The following LGI2 variants were observed in gnomAD, a reference collection of about 807,000 sequenced individuals.
The protein encoded by LGI2 is leucine rich repeat LGI family member 2, also known as leucine-rich repeat LGI family member 2.
A neutral mutation model predicts 52.0 loss-of-function variants in LGI2; 30 were observed. The ratio of observed to expected loss-of-function variants is 0.58; its 90% confidence interval spans 0.43 to 0.78. The LOEUF (loss-of-function observed/expected upper bound fraction) is 0.78, where lower values mean the gene tolerates loss of function less well. Among genes scored for constraint, LGI2 ranks in the 30% least tolerant of loss-of-function variants. The probability of loss-of-function intolerance (pLI) is 0.00; values close to 1 mark genes in which losing one functional copy is unlikely to be tolerated. For missense variants in LGI2, 573 were observed against 692.5 expected (o/e 0.83, Z 1.94); for synonymous variants, 270 against 271.8 (o/e 0.99, Z 0.06).
At chr4:24,993,669 G>A in the LGI2 span, among the ~76,000 whole-genome samples, 1 of 152,150 alleles carries the variant, frequency 6.6e-6, no homozygotes, top group Non-Finnish European at 1.5e-5. Flanking sequence ...GCTAGCGTTT[G>A]TTTGAACTCA....
downstream of LGI2, among the ~76,000 whole-genome samples, chr4:24,996,706 C>T (rs1725093800): frequency 6.6e-6 from 1 of 152,172 alleles, no homozygotes; most frequent in South Asian, 2.1e-4. Flanking sequence ...TCTCTTAGCT[C>T]CAAAACTGGA....
the LGI2 span, among the ~76,000 whole-genome samples, chr4:24,992,132 A>G: frequency 6.6e-6 from 1 of 152,210 alleles, no homozygotes; most frequent in Non-Finnish European, 1.5e-5. Context: ...CATGTTCATC[A>G]TCTTCCACTG....
At chr4:24,995,536 CAAT>C (rs1251719459), downstream of LGI2, among the ~76,000 whole-genome samples, 1 of 152,208 alleles carries the variant, frequency 6.6e-6, no homozygotes, top group African/African-American at 2.4e-5. Context: ...CAGAAGAACT[CAAT>C]GTCTCCCACA....
At chr4:25,009,177 G>A (rs1439617412) in intron 7 of LGI2, among the ~76,000 whole-genome samples, 1 of 152,168 alleles carries the variant, frequency 6.6e-6, no homozygotes, top group Non-Finnish European at 1.5e-5. Flanking sequence ...TCCTTCCTAG[G>A]ACCTGTGAGA....
At chr4:25,025,144 A>G (rs1044839611) in intron 3 of LGI2, among the ~76,000 whole-genome samples, 3 of 82,950 alleles carry the variant, frequency 3.6e-5, no homozygotes, top group African/African-American at 7.4e-5. Context: ...AGCTGGCAAC[A>G]TGGGTAAAAA....
chr4:25,024,737 T>C, intron 4 of LGI2, 83 bp downstream of exon 4: 1 of 911,080 alleles, frequency 1.1e-6, no homozygotes, highest in South Asian at 1.7e-5. Flanking sequence ...CAGGGACAGT[T>C]ACAGCCAAGA....
chr4:25,001,565 A>AG lies in LGI2; in HGVS notation c.*1885_*1886insC, dbSNP rs1725240071. On this transcript the variant is annotated 3_prime_UTR_variant, in exon 8 of 8. Transcript: ENST00000382114. ...TGTTCAAAGAAACCAAGAGGGAAAA[A>AG]AAAGTGCAGAAGAAAAGTAATTTGC... 2 of 151,902 alleles carry AG rather than the reference A, an allele frequency of 1.3e-5. No homozygotes were observed. Among genetic ancestry groups the AG allele is most frequent in the East Asian group, 3.9e-4 (2 of 5,160 alleles). 9.4% of individuals were successfully genotyped at this position (151,902 alleles called of 1,614,324 possible).
At chr4:25,024,945 AAAAAC>A in intron 3 of LGI2, 54 bp from the exon 4 acceptor site, 1 of 1,162,432 alleles carries the variant, frequency 8.6e-7, no homozygotes, top group Non-Finnish European at 1.2e-6. Context: ...AGTATCCCAA[AAAAAC>A]TATGTTGGTA....
In LGI2 at chr4:24,999,217, G is replaced by T. The variant is rs901128322; in HGVS notation, c.*4234C>A. 6.6e-6 allele frequency: 1 copy of T among 152,212 alleles called. No individual in the cohort carries two copies. Among genetic ancestry groups the T allele is most frequent in the African/African-American group, 2.4e-5 (1 of 41,434 alleles). The allele number at this position is 152,212 out of a possible 1,614,324, so 9.4% of individuals were successfully genotyped here. ...TAATAATAACTTGGTTTCGATCTCA[G>T]TAGCTTTACAATATGCTTCTTATTT... On this transcript the variant is annotated 3_prime_UTR_variant, in exon 8 of 8. Coordinates refer to ENST00000382114, the MANE Select transcript of LGI2 (RefSeq NM_018176.4).
At chr4:25,020,605 C>G (rs190003240) in intron 4 of LGI2, among the ~76,000 whole-genome samples, 1 of 152,216 alleles carries the variant, frequency 6.6e-6, no homozygotes, top group Non-Finnish European at 1.5e-5. Context: ...TTTAAGATAT[C>G]TATGAAATGC....
Position 25,030,773 on chromosome 4 carries a change from G to T in LGI2, c.-80C>A. ...CGGACCCGGCGCCGCTGCAGACGCG[G>T]GCGCCGCTCGCTGCTCTGCCGCCGC... On this transcript the variant is annotated 5_prime_UTR_variant, in exon 1 of 8. Transcript: ENST00000382114. 1.2e-6 allele frequency: 1 copy of T among 823,054 alleles called. No individual in the cohort carries two copies. Among genetic ancestry groups the T allele is most frequent in the Non-Finnish European group, 1.5e-6 (1 of 673,090 alleles). 51.0% of individuals were successfully genotyped at this position (823,054 alleles called of 1,614,324 possible).
At chr4:25,029,967 G>A (rs974901394) in intron 1 of LGI2, among the ~76,000 whole-genome samples, 1 of 152,130 alleles carries the variant, frequency 6.6e-6, no homozygotes, top group Admixed American at 6.5e-5. Context: ...AGGAGGCCAC[G>A]GGGTGAACAT....
chr4:25,006,265 GC>G (rs10718500), intron 7 of LGI2, among the ~76,000 whole-genome samples: 57,134 of 151,800 alleles, frequency 0.38, 10,829 homozygotes, highest in Middle Eastern at 0.5. Flanking sequence ...GCACCCAGAT[GC>G]CCCCCAGACC....
At chr4:25,022,823 CT>C (rs1247651817) in intron 4 of LGI2, among the ~76,000 whole-genome samples, 1 of 152,202 alleles carries the variant, frequency 6.6e-6, no homozygotes, top group Admixed American at 6.5e-5. Context: ...GCCATCTGGG[CT>C]AACTCAGCCC....
chr4:25,003,398 C>T lies in LGI2; in HGVS notation c.*53G>A. 7.9e-7 allele frequency: 1 copy of T among 1,270,296 alleles called. No individual in the cohort carries two copies. The highest frequency in any genetic ancestry group is 1.1e-6 in the Non-Finnish European group (1 of 918,564). 78.7% of individuals were successfully genotyped at this position (1,270,296 alleles called of 1,614,324 possible). A position where few individuals can be genotyped will look rare whatever the true frequency, so the allele number is the denominator to read the frequency against. On this transcript the variant is annotated 3_prime_UTR_variant, in exon 8 of 8. Coordinates refer to ENST00000382114, the MANE Select transcript of LGI2 (RefSeq NM_018176.4). ...GATTTGTTTGTTGATTTTTCTTGGT[C>T]CTCTTTTGTGAGAGCTAATGCTACA...
chr4:25,003,461 A>T lies in LGI2; in HGVS notation c.1628T>A (p.Leu543Ter), dbSNP rs772332256. ...TCACCCACCACACCTTCACAAACTT[A>T]AGTCAACAATTATATGTTCAAAAAT... ...TKIFEHIIVD[L>*]SL The change falls in exon 8 of 8, where the codon TTA (leucine) becomes TAA (stop). Residue 543 changes from leucine to a stop codon, truncating the protein, a stop_gained. Coordinates refer to ENST00000382114, the MANE Select transcript of LGI2 (RefSeq NM_018176.4). LOFTEE classifies it high-confidence loss of function. 1 of 1,579,860 alleles carries T rather than the reference A, an allele frequency of 6.3e-7. No individual in the cohort carries two copies. The highest frequency in any genetic ancestry group is 1.4e-5 in the African/African-American group (1 of 72,956).
chr4:25,009,910 A>G (rs1009507721), intron 7 of LGI2, among the ~76,000 whole-genome samples: 8 of 152,196 alleles, frequency 5.3e-5, no homozygotes, highest in Non-Finnish European at 8.8e-5. Context: ...CTGGGATAAC[A>G]GGCATGAGTC....
chr4:25,010,869 G>A (rs908370186), intron 7 of LGI2, among the ~76,000 whole-genome samples: 4 of 152,154 alleles, frequency 2.6e-5, no homozygotes, highest in African/African-American at 9.7e-5. Context: ...GATCCCTTGA[G>A]CTCAAGAGTT....
chr4:25,003,407 T>G lies in LGI2; in HGVS notation c.*44A>C. On this transcript the variant is annotated 3_prime_UTR_variant, in exon 8 of 8. Transcript: ENST00000382114. ...GTTGATTTTTCTTGGTCCTCTTTTG[T>G]GAGAGCTAATGCTACATTTCTCTTA... 7.4e-6 allele frequency: 10 copies of G among 1,354,236 alleles called. No homozygotes were observed. The highest frequency in any genetic ancestry group is 9.1e-6 in the Non-Finnish European group (9 of 990,348). The allele number at this position is 1,354,236 out of a possible 1,614,324, so 83.9% of individuals were successfully genotyped here. A position where few individuals can be genotyped will look rare whatever the true frequency, so the allele number is the denominator to read the frequency against.
Sources: allele counts gnomAD v4.1 joint callset (sites outside exome capture counted in the v4.1 genomes callset), GRCh38; gene constraint gnomAD v4.1.1; transcripts MANE v1.5; gene names NCBI Gene and HGNC (gene_info 2026-07-23, HGNC 2026-07-21).